The following CFAP20DC variants were observed in gnomAD, a reference collection of about 807,000 sequenced individuals.
CFAP20DC encodes CFAP20 domain containing.
In CFAP20DC, 84 loss-of-function variants were observed where a neutral mutation model predicts 101.7. That is an observed-to-expected ratio of 0.83 (90% CI 0.69 to 0.99). The LOEUF (loss-of-function observed/expected upper bound fraction) is 0.99. CFAP20DC is among the 50% of genes least tolerant of loss of function. The pLI is 0.00. For synonymous variants in CFAP20DC, 359 were observed against 351.2 expected (o/e 1.02, Z -0.25); for missense variants, 1,007 against 970.3 (o/e 1.04, Z -0.50).
chr3:58,770,827 A>G (rs1431117667), intron 15 of CFAP20DC, among the ~76,000 whole-genome samples: 1 of 152,160 alleles, frequency 6.6e-6, no homozygotes, highest in African/African-American at 2.4e-5. Flanking sequence ...GGAGAATAAG[A>G]TAGGGACCAG....
Position 58,825,538 on chromosome 3 carries a change from A to AACACACACACAC in CFAP20DC, c.2175+6136_2175+6147dup, listed in dbSNP as rs4020376. On this transcript the variant is annotated intron_variant, in intron 14 of 16. Coordinates refer to ENST00000482387, the MANE Select transcript of CFAP20DC (RefSeq NM_001394063.1). Reference sequence around the variant, plus strand: ...CTGTTCCTGTTCCTTAAAAAAAGAAAACACACACACACACACACAACATGG... The same window carrying AACACACACACAC: ...CTGTTCCTGTTCCTTAAAAAAAGAAAACACACACACACACACACACACACACACACAACATGG... Among the ~76,000 whole-genome samples the AACACACACACAC allele has an allele frequency of 1.2e-3, 174 of 149,820 alleles. 1 individual carries two copies. Among genetic ancestry groups the AACACACACACAC allele is most frequent in the Middle Eastern group, 3.4e-3 (1 of 292 alleles).
intron 4 of CFAP20DC, chr3:59,017,457 T>C (rs1252833596): frequency 6.6e-6 from 1 of 152,130 alleles, no homozygotes; most frequent in Non-Finnish European, 1.5e-5. Context: ...CTTTCGCAAC[T>C]TTACTGCTAA....
chr3:59,046,937 T>C (rs1333963161), intron 2 of CFAP20DC, among the ~76,000 whole-genome samples: 1 of 152,116 alleles, frequency 6.6e-6, no homozygotes, highest in Non-Finnish European at 1.5e-5. Context: ...TCATCTAAAA[T>C]GATACACAGC....
At chr3:59,023,299 G>A (rs1433022156) in intron 4 of CFAP20DC, among the ~76,000 whole-genome samples, 2 of 151,868 alleles carry the variant, frequency 1.3e-5, no homozygotes, top group Admixed American at 6.6e-5. Context: ...GGTGCTGTAC[G>A]GATTATACTG....
chr3:58,731,395 G>C (rs2067643717), intron 3 of CFAP20DC, among the ~76,000 whole-genome samples: 1 of 152,216 alleles, frequency 6.6e-6, no homozygotes, highest in Non-Finnish European at 1.5e-5. Flanking sequence ...CACACTGTCT[G>C]TTGTGTTATG....
rs1025569094 is a variant in CFAP20DC, at chr3:59,002,465, A to T, written c.278+37092T>A. Among the ~76,000 whole-genome samples, 1 of 152,262 alleles carries T rather than the reference A, an allele frequency of 6.6e-6. No individual in the cohort carries two copies. Among genetic ancestry groups the T allele is most frequent in the Non-Finnish European group, 1.5e-5 (1 of 68,046 alleles). On this transcript the variant is annotated intron_variant, in intron 4 of 16. Transcript: ENST00000482387. This position sits in a 1 kb window ranked among gnomAD's most constrained non-coding sequence, Gnocchi z 4.5. ...ACAAAACATCTATTCAGTAACTTAC[A>T]TACTAAGAACTATCACTGATGATAC...
intron 4 of CFAP20DC, among the ~76,000 whole-genome samples, chr3:59,005,532 A>C (rs1318010914): frequency 6.6e-6 from 1 of 152,112 alleles, no homozygotes; most frequent in Non-Finnish European, 1.5e-5. Flanking sequence ...ACCATGTGTA[A>C]ATTTTTCTGT....
At chr3:58,779,906 T>C (rs2071667528) in intron 15 of CFAP20DC, among the ~76,000 whole-genome samples, 1 of 152,032 alleles carries the variant, frequency 6.6e-6, no homozygotes, top group Admixed American at 6.6e-5. Flanking sequence ...CCTGGCACAG[T>C]ATAGTAAAAA....
rs889183513 is a variant in CFAP20DC, at chr3:58,914,357, G to A, written c.394-493C>T. Among the ~76,000 whole-genome samples the A allele has an allele frequency of 2.0e-5, 3 of 152,066 alleles. No individual in the cohort carries two copies. Among genetic ancestry groups the A allele is most frequent in the African/African-American group, 4.8e-5 (2 of 41,396 alleles). ...CTTATAACCAATTAACCTATTGTAC[G>A]GAAACAGATTCTTCTAAAGAATTTG... On this transcript the variant is annotated intron_variant, in intron 5 of 16. Transcript: ENST00000482387. The surrounding 1 kb of genome is among the most constrained non-coding windows in gnomAD (Gnocchi z 4.9).
chr3:58,786,550 C>G (rs908283805), intron 15 of CFAP20DC, among the ~76,000 whole-genome samples: 1 of 152,042 alleles, frequency 6.6e-6, no homozygotes, highest in South Asian at 2.1e-4. Flanking sequence ...TTGTCCCAGA[C>G]CTGAATCCCT....
chr3:59,047,095 G>A lies in CFAP20DC; in HGVS notation c.111+70C>T, dbSNP rs184138767. 68 of 991,178 alleles carry A rather than the reference G, an allele frequency of 6.9e-5. 1 individual carries two copies. Among genetic ancestry groups the A allele is most frequent in the African/African-American group, 9.8e-5 (6 of 61,496 alleles). 61.4% of individuals were successfully genotyped at this position (991,178 alleles called of 1,614,324 possible). A position where few individuals can be genotyped will look rare whatever the true frequency, so the allele number is the denominator to read the frequency against. On this transcript the variant is annotated intron_variant, in intron 2 of 16. Coordinates refer to ENST00000482387, the MANE Select transcript of CFAP20DC (RefSeq NM_001394063.1). ...AAAAACAGCTCTGAAATTTGATCACGCCCTTTCTTCTATAAGCTTCACTCA... is the reference window on the plus strand; with the variant it reads ...AAAAACAGCTCTGAAATTTGATCACACCCTTTCTTCTATAAGCTTCACTCA...
At chr3:58,716,220 G>A, downstream of CFAP20DC, among the ~76,000 whole-genome samples, 1 of 132,086 alleles carries the variant, frequency 7.6e-6, no homozygotes, top group African/African-American at 2.9e-5. Context: ...GGACTGCAGT[G>A]GCGCAATCTC....
intron 14 of CFAP20DC, among the ~76,000 whole-genome samples, chr3:58,822,523 C>G (rs925103888): frequency 6.6e-6 from 1 of 151,046 alleles, no homozygotes; most frequent in African/African-American, 2.4e-5. Flanking sequence ...ACCAGCATGG[C>G]ACATGTATAC....
Position 58,898,653 on chromosome 3 carries a change from C to T in CFAP20DC, c.551-13944G>A, listed in dbSNP as rs191119109. On this transcript the variant is annotated intron_variant, in intron 6 of 16. Coordinates refer to ENST00000482387, the MANE Select transcript of CFAP20DC (RefSeq NM_001394063.1). Reference sequence around the variant, plus strand: ...CATGCTCCTTTAGCTCAGCAAAGTTCGTTATTACCCACCTTCTGAAGCCTA... The same window carrying T: ...CATGCTCCTTTAGCTCAGCAAAGTTTGTTATTACCCACCTTCTGAAGCCTA... 6.0e-4 allele frequency among the ~76,000 whole-genome samples: 91 copies of T among 152,260 alleles called. 1 individual carries two copies. The highest frequency in any genetic ancestry group is 2.7e-3 in the Admixed American group (41 of 15,294).
intron 12 of CFAP20DC, among the ~76,000 whole-genome samples, chr3:58,854,681 A>G (rs1224419256): frequency 1.3e-5 from 2 of 151,630 alleles, no homozygotes; most frequent in Non-Finnish European, 1.5e-5. Context: ...AAATAATGCC[A>G]CATATCTACA....
chr3:58,982,609 A>G (rs139768804), intron 4 of CFAP20DC, among the ~76,000 whole-genome samples: 2,650 of 151,090 alleles, frequency 0.018, 93 homozygotes, highest in African/African-American at 0.061. Flanking sequence ...CACAAGGACA[A>G]AAAAAACAAA....
chr3:58,816,188 T>A (rs370649080), intron 14 of CFAP20DC, among the ~76,000 whole-genome samples: 1 of 151,892 alleles, frequency 6.6e-6, no homozygotes, highest in Non-Finnish European at 1.5e-5. Flanking sequence ...CCATAAAAAA[T>A]GATGAGTTCA....
chr3:58,948,365 A>G (rs1238207231), intron 4 of CFAP20DC, among the ~76,000 whole-genome samples: 1 of 152,162 alleles, frequency 6.6e-6, no homozygotes, highest in East Asian at 1.9e-4. Context: ...CGATCTCCAG[A>G]TTTTAATCAC....
intron 4 of CFAP20DC, among the ~76,000 whole-genome samples, chr3:58,994,513 T>C (rs1246235067): frequency 1.3e-5 from 2 of 152,228 alleles, no homozygotes; most frequent in East Asian, 1.9e-4. Flanking sequence ...ACCAAGCAAA[T>C]TGGTGTCAGA....
Sources: allele counts gnomAD v4.1 joint callset (sites outside exome capture counted in the v4.1 genomes callset), GRCh38; gene constraint gnomAD v4.1.1; non-coding constraint Gnocchi (gnomAD v3.1); transcripts MANE v1.5; gene names NCBI Gene and HGNC (gene_info 2026-07-23, HGNC 2026-07-21).